TIAL1: variants seen among roughly 807,000 people sequenced by gnomAD.
TIAL1 encodes TIA1 cytotoxic granule associated RNA binding protein like 1, also known as nucleolysin TIAR.
In TIAL1, 7 loss-of-function variants were observed where a neutral mutation model predicts 59.7. The ratio of observed to expected loss-of-function variants is 0.12; its 90% CI spans 0.07 to 0.22. TIAL1 has a LOEUF of 0.22. Among genes scored for constraint, TIAL1 ranks in the 10% least tolerant of loss-of-function variants. The pLI is 1.00. For missense variants in TIAL1, 225 were observed against 462.5 expected, an observed-to-expected ratio of 0.49 and a Z score of 4.71; for synonymous variants, 149 against 146.3, an observed-to-expected ratio of 1.02 and a Z score of -0.13.
In TIAL1 at chr10:119,574,490, AT is replaced by A. The variant is rs1268594867; in HGVS notation, c.*1174del. ...TCTTAATTTTTAAAAACACCCCAAG[AT>A]TTTTAAAAAACACTTGTACTATACA... On this transcript the variant is annotated 3_prime_UTR_variant, in exon 12 of 12. Coordinates refer to ENST00000436547, the MANE Select transcript of TIAL1 (RefSeq NM_003252.4). The A allele has an allele frequency of 7.0e-6, 1 of 142,658 alleles. No homozygotes were observed. Among genetic ancestry groups the A allele is most frequent in the East Asian group, 2.2e-4 (1 of 4,446 alleles). 8.8% of individuals were successfully genotyped at this position (142,658 alleles called of 1,614,324 possible). A position where few individuals can be genotyped will look rare whatever the true frequency, so the allele number is the denominator to read the frequency against.
Position 119,582,222 on chromosome 10 carries a change from T to C in TIAL1, c.230A>G (p.Glu77Gly), listed in dbSNP as rs767290233. The change falls in exon 4 of 12, where the codon GAG (glutamate) becomes GGG (glycine). Residue 77 changes from glutamate (E) to glycine (G), a missense_variant and splice_region_variant. By Grantham distance (98) the Glu-to-Gly change is moderately conservative. Coordinates refer to ENST00000436547, the MANE Select transcript of TIAL1 (RefSeq NM_003252.4). The surrounding 1 kb of genome is among the most constrained non-coding windows in gnomAD (Gnocchi z 5.1). ...TGTGGTTGCCCAGTTTACTTTGACC[T>C]CCTAAAAATAAAGATTATATTTAAT... ...AMNGRKILGK[E>G]VKVNWATTPS... is the part of the protein sequence containing the mutation. 6.3e-7 allele frequency: 1 copy of C among 1,596,144 alleles called. No individual in the cohort carries two copies. Among genetic ancestry groups the C allele is most frequent in the Middle Eastern group, 1.9e-4 (1 of 5,274 alleles).
intron 6 of TIAL1, among the ~76,000 whole-genome samples, chr10:119,579,714 T>C (rs1317932540): frequency 6.6e-6 from 1 of 152,222 alleles, no homozygotes; most frequent in African/African-American, 2.4e-5. Flanking sequence ...ACAATTTTAA[T>C]AATCTTCCTT....
At chr10:119,587,403 C>A (rs987159399) in intron 2 of TIAL1, among the ~76,000 whole-genome samples, 7 of 152,208 alleles carry the variant, frequency 4.6e-5, no homozygotes, top group Non-Finnish European at 7.3e-5. Context: ...GGCAGTGAGT[C>A]CTCCAAGAAG....
At chr10:119,580,490 C>A in intron 5 of TIAL1, 1 of 1,037,252 alleles carries the variant, frequency 9.6e-7, no homozygotes, top group Non-Finnish European at 1.2e-6. Context: ...TAACAGATTT[C>A]TTTATTTTTC....
intron 1 of TIAL1, among the ~76,000 whole-genome samples, chr10:119,591,079 T>C (rs1478888028): frequency 1.3e-5 from 2 of 152,114 alleles, no homozygotes; most frequent in Non-Finnish European, 2.9e-5. Flanking sequence ...CTATATCTAA[T>C]AGTCACAAAA....
Position 119,575,632 on chromosome 10 carries a change from T to TGAATTA in TIAL1, c.*32_*33insTAATTC. 1 of 1,612,662 alleles carries TGAATTA rather than the reference T, an allele frequency of 6.2e-7. No homozygotes were observed. Among genetic ancestry groups the TGAATTA allele is most frequent in the East Asian group, 2.2e-5 (1 of 44,800 alleles). On this transcript the variant is annotated 3_prime_UTR_variant, in exon 12 of 12. Coordinates refer to ENST00000436547, the MANE Select transcript of TIAL1 (RefSeq NM_003252.4). ...GAGTGTCACAGGAAATCGAAGCCTATCATGAATTACAATTTTTTTTTAGAG... is the reference window on the plus strand; with the variant it reads ...GAGTGTCACAGGAAATCGAAGCCTATGAATTACATGAATTACAATTTTTTTTTAGAG...
At chr10:119,579,155 A>C (rs1845178426) in intron 6 of TIAL1, among the ~76,000 whole-genome samples, 1 of 152,084 alleles carries the variant, frequency 6.6e-6, no homozygotes, top group Admixed American at 6.5e-5. Context: ...TGGCGAACCC[A>C]AGTGAAACCA....
At chr10:119,586,327 A>G (rs1423849222) in intron 2 of TIAL1, among the ~76,000 whole-genome samples, 1 of 152,114 alleles carries the variant, frequency 6.6e-6, no homozygotes. Flanking sequence ...TCCTTTCCCT[A>G]TGTCCCACAG....
intron 11 of TIAL1, 120 bp from the exon 12 acceptor site, chr10:119,575,911 CA>C: frequency 1.1e-6 from 1 of 912,062 alleles, no homozygotes; most frequent in Non-Finnish European, 1.6e-6. Context: ...AACACACCTA[CA>C]ACAAATAGAA....
rs190106095 is a variant in TIAL1 at position 119,583,435 on chromosome 10, A to G, written c.130-878T>C. ...AAAGTAGTACTACCTAAGCTATAGCAACATTCTCACCTGACAACCAAACTA... is the reference window on the plus strand; with the variant it reads ...AAAGTAGTACTACCTAAGCTATAGCGACATTCTCACCTGACAACCAAACTA... On this transcript the variant is annotated intron_variant, in intron 2 of 11. Coordinates refer to ENST00000436547, the MANE Select transcript of TIAL1 (RefSeq NM_003252.4). Among the ~76,000 whole-genome samples, 27 of 152,314 alleles carry G rather than the reference A, an allele frequency of 1.8e-4. No homozygotes were observed. The South Asian group carries it at 2.1e-3, about 12-fold the overall frequency.
At chr10:119,587,728 A>T (rs1182365534) in intron 2 of TIAL1, among the ~76,000 whole-genome samples, 1 of 152,190 alleles carries the variant, frequency 6.6e-6, no homozygotes, top group African/African-American at 2.4e-5. Context: ...AGGAAAGTAT[A>T]AAAAGGTAAG....
chr10:119,593,233 C>T (rs1845981829), intron 1 of TIAL1, among the ~76,000 whole-genome samples: 1 of 152,186 alleles, frequency 6.6e-6, no homozygotes, highest in Non-Finnish European at 1.5e-5. Context: ...ACCAGTATTA[C>T]ACAGCATGAT....
intron 2 of TIAL1, among the ~76,000 whole-genome samples, chr10:119,587,578 C>T (rs889677478): frequency 1.2e-4 from 18 of 151,934 alleles, no homozygotes; most frequent in Admixed American, 2.6e-4. Context: ...TCTTTATTCA[C>T]CAGTGTATCT....
chr10:119,575,757 C>T lies in TIAL1; in HGVS notation c.1036G>A (p.Gly346Ser). 1.3e-6 allele frequency: 2 copies of T among 1,592,196 alleles called. No individual in the cohort carries two copies. The highest frequency in any genetic ancestry group is 2.7e-5 in the African/African-American group (2 of 72,866). The change falls in exon 12 of 12, where the codon GGT (glycine) becomes AGT (serine). Residue 346 changes from glycine to serine, a missense_variant. Coordinates refer to ENST00000436547, the MANE Select transcript of TIAL1 (RefSeq NM_003252.4). ...GCTTGTCCTTGGGGAGGCTGAGCAC[C>T]AAATCCACCCATCCAAGCAGCAGAA... ...SPSAAWMGGF[G>S]AQPPQGQAPP...
At chr10:119,588,059 C>A in intron 2 of TIAL1, 93 bp downstream of exon 2, 2 of 681,884 alleles carry the variant, frequency 2.9e-6, no homozygotes, top group Non-Finnish European at 4.4e-6. Context: ...AATCTCTCCA[C>A]CAGAATAACT....
intron 1 of TIAL1, among the ~76,000 whole-genome samples, chr10:119,594,505 T>A (rs1305844564): frequency 6.6e-6 from 1 of 152,240 alleles, no homozygotes; most frequent in African/African-American, 2.4e-5. Flanking sequence ...ACAATGTAAC[T>A]TTTATCTTTG....
rs1438197724 is a variant in TIAL1 at position 119,575,585 on chromosome 10, G to A, written c.*80C>T. 20 of 1,526,588 alleles carry A rather than the reference G, an allele frequency of 1.3e-5. No individual in the cohort carries two copies. The highest frequency in any genetic ancestry group is 3.4e-5 in the South Asian group (3 of 87,014). 94.6% of individuals were successfully genotyped at this position (1,526,588 alleles called of 1,614,324 possible). A position where few individuals can be genotyped will look rare whatever the true frequency, so the allele number is the denominator to read the frequency against. On this transcript the variant is annotated 3_prime_UTR_variant, in exon 12 of 12. Transcript: ENST00000436547. The stretch of plus-strand genomic sequence containing the variant: ...TTTAAAATAAATATTTTCATTTTCC[G>A]ATGTCTACTTTCATGTCTTCAGAGT...
At chr10:119,586,911 A>G (rs746551375) in intron 2 of TIAL1, among the ~76,000 whole-genome samples, 11 of 152,182 alleles carry the variant, frequency 7.2e-5, no homozygotes, top group Non-Finnish European at 1.3e-4. Flanking sequence ...ACTCTGTTTT[A>G]TTCTCTTCAT....
intron 2 of TIAL1, among the ~76,000 whole-genome samples, chr10:119,587,148 TCC>T (rs753297233): frequency 5.9e-5 from 9 of 152,376 alleles, no homozygotes; most frequent in African/African-American, 9.6e-5. Flanking sequence ...TTAACAGTTC[TCC>T]GTTTCAGGAT....
Sources: allele counts gnomAD v4.1 joint callset (sites outside exome capture counted in the v4.1 genomes callset), GRCh38; gene constraint gnomAD v4.1.1; non-coding constraint Gnocchi (gnomAD v3.1); transcripts MANE v1.5; gene names NCBI Gene and HGNC (gene_info 2026-07-23, HGNC 2026-07-21).